Variants in SEMA6D observed in about 807,000 individuals in gnomAD.
SEMA6D encodes the protein semaphorin-6D.
SEMA6D carries 35 observed loss-of-function variants against 106.6 expected under a neutral mutation model. That is an observed-to-expected ratio of 0.33 (90% CI 0.25 to 0.44). The LOEUF is 0.44. Among genes scored for constraint, SEMA6D ranks in the 20% least tolerant of loss-of-function variants. The pLI, the probability that SEMA6D is intolerant of heterozygous loss-of-function variation, is 1.00. For synonymous variants in SEMA6D, 499 were observed against 487.7 expected, an observed-to-expected ratio of 1.02 and a Z score of -0.31; for missense variants, 1,185 against 1,345.9, an observed-to-expected ratio of 0.88 and a Z score of 1.87.
chr15:47,321,351 C>G (rs11852566), intron 1 of SEMA6D, among the ~76,000 whole-genome samples: 4 of 152,006 alleles, frequency 2.6e-5, no homozygotes, highest in African/African-American at 7.3e-5. Context: ...TTTATTTGGA[C>G]ACTTTAGATA....
rs1040831697 is a variant in SEMA6D, at chr15:47,774,173, G to A, written c.*2388G>A. The A allele has an allele frequency of 3.3e-5, 5 of 152,418 alleles. No homozygotes were observed. The highest frequency in any genetic ancestry group is 1.2e-4 in the African/African-American group (5 of 41,378). 9.4% of individuals were successfully genotyped at this position (152,418 alleles called of 1,614,324 possible). The stretch of plus-strand genomic sequence containing the variant: ...TGGATGTGTAAATAATATGTACTTT[G>A]GGTTTTTAACACCGCATGTAAAGTC... On this transcript the variant is annotated 3_prime_UTR_variant, in exon 19 of 19. Coordinates refer to ENST00000536845, the MANE Select transcript of SEMA6D (RefSeq NM_001358351.3).
intron 1 of SEMA6D, among the ~76,000 whole-genome samples, chr15:47,219,694 T>C (rs1052605483): frequency 2.0e-5 from 3 of 152,358 alleles, no homozygotes; most frequent in African/African-American, 7.2e-5. Context: ...TATTCTGTAC[T>C]TTATCAATTA....
chr15:47,264,286 A>G (rs901120503), intron 1 of SEMA6D, among the ~76,000 whole-genome samples: 2 of 151,992 alleles, frequency 1.3e-5, no homozygotes, highest in African/African-American at 2.4e-5. Flanking sequence ...AACAAACCCC[A>G]TGACACAAGT....
chr15:47,673,582 G>T (rs147736270), intron 4 of SEMA6D, among the ~76,000 whole-genome samples: 1 of 152,226 alleles, frequency 6.6e-6, no homozygotes, highest in East Asian at 1.9e-4. Flanking sequence ...GGGGAACCTC[G>T]TTTTGATGCA....
At chr15:47,485,322 G>A (rs980262145) in intron 3 of SEMA6D, among the ~76,000 whole-genome samples, 3 of 152,080 alleles carry the variant, frequency 2.0e-5, no homozygotes, top group Admixed American at 6.6e-5. Flanking sequence ...GTGTTTCTCA[G>A]GATATCTAAA....
At chr15:47,498,700 A>G (rs952371669) in intron 3 of SEMA6D, among the ~76,000 whole-genome samples, 2 of 152,150 alleles carry the variant, frequency 1.3e-5, no homozygotes, top group Non-Finnish European at 2.9e-5. Context: ...TTTGTGAAAG[A>G]TTTACCTTGG....
chr15:47,765,012 C>T lies in SEMA6D; in HGVS notation c.1383C>T (p.Asn461=), dbSNP rs1347498228. The change falls in exon 13 of 19, where the codon AAC becomes AAT. Residue 461 remains asparagine (N), a synonymous_variant. Coordinates refer to ENST00000536845, the MANE Select transcript of SEMA6D (RefSeq NM_001358351.3). ...VLAKTSPFSL[N]DSVLLEEIEA... ...CAAAGACCAGTCCTTTCTCTTTGAA[C>T]GACAGCGTATTACTGGAAGAGATTG... The T allele has an allele frequency of 7.4e-6, 12 of 1,613,834 alleles. No homozygotes were observed. Among genetic ancestry groups the T allele is most frequent in the South Asian group, 4.4e-5 (4 of 91,078 alleles).
chr15:47,564,942 C>T (rs548366122), intron 3 of SEMA6D, among the ~76,000 whole-genome samples: 1 of 152,268 alleles, frequency 6.6e-6, no homozygotes, highest in East Asian at 1.9e-4. Context: ...GAAAAGAATG[C>T]CAGACTTCAG....
intron 1 of SEMA6D, among the ~76,000 whole-genome samples, chr15:47,194,321 T>C (rs1050622469): frequency 6.6e-6 from 1 of 152,190 alleles, no homozygotes; most frequent in African/African-American, 2.4e-5. Flanking sequence ...GTCTTAAAAA[T>C]GCTTGTCAAA....
chr15:47,544,006 G>C (rs1358687280), intron 3 of SEMA6D, among the ~76,000 whole-genome samples: 1 of 152,102 alleles, frequency 6.6e-6, no homozygotes, highest in Non-Finnish European at 1.5e-5. Flanking sequence ...TTCATCAGAA[G>C]CTTTCCTATT....
intron 3 of SEMA6D, among the ~76,000 whole-genome samples, chr15:47,587,364 T>C (rs1160779728): frequency 6.6e-6 from 1 of 152,174 alleles, no homozygotes; most frequent in East Asian, 1.9e-4. Context: ...GGGTCCAAAC[T>C]AGTCTCTGGT....
At position 47,452,550 on chromosome 15, in the gene SEMA6D, C is replaced by T. The variant is rs183864186; in HGVS notation, c.-158-17924C>T. Among the ~76,000 whole-genome samples, 80 of 151,736 alleles carry T rather than the reference C, an allele frequency of 5.3e-4. 1 individual carries two copies. Among genetic ancestry groups the T allele is most frequent in the African/African-American group, 1.9e-3 (77 of 41,422 alleles). On this transcript the variant is annotated intron_variant, in intron 2 of 19. Transcript: ENST00000558014. ...GTAGTGTGTACATAGCATAATAAAA[C>T]CTTTCTTTTATCATAAAAAATACTG...
chr15:47,524,348 TG>T, intron 3 of SEMA6D, among the ~76,000 whole-genome samples: 1 of 152,202 alleles, frequency 6.6e-6, no homozygotes, highest in Admixed American at 6.5e-5. Flanking sequence ...TGCAGGTGGC[TG>T]GGGCCTGTGT....
chr15:47,329,097 G>A (rs2037240572), intron 1 of SEMA6D, among the ~76,000 whole-genome samples: 1 of 152,160 alleles, frequency 6.6e-6, no homozygotes, highest in Non-Finnish European at 1.5e-5. Flanking sequence ...CATGGTTCTT[G>A]GTGCTGGCCA....
intron 3 of SEMA6D, among the ~76,000 whole-genome samples, chr15:47,529,636 T>A (rs574533046): frequency 6.6e-6 from 1 of 151,048 alleles, no homozygotes; most frequent in East Asian, 2.0e-4. Flanking sequence ...CATCTTCACT[T>A]TGAGGCACAC....
At chr15:47,396,892 A>T (rs1213203013) in intron 1 of SEMA6D, among the ~76,000 whole-genome samples, 1 of 152,190 alleles carries the variant, frequency 6.6e-6, no homozygotes, top group Non-Finnish European at 1.5e-5. Flanking sequence ...AAAGGTACTA[A>T]AATATCAAGA....
At chr15:47,419,474 T>C (rs1296654336) in intron 2 of SEMA6D, among the ~76,000 whole-genome samples, 1 of 151,920 alleles carries the variant, frequency 6.6e-6, no homozygotes, top group Non-Finnish European at 1.5e-5. Context: ...TGGAGGATGG[T>C]GGAGGAAGCA....
intron 1 of SEMA6D, among the ~76,000 whole-genome samples, chr15:47,226,505 G>A (rs1212935724): frequency 1.3e-5 from 2 of 152,106 alleles, no homozygotes; most frequent in Non-Finnish European, 2.9e-5. Flanking sequence ...CCAGTACTTT[G>A]TTATCAATAG....
At chr15:47,752,273 G>T (rs975244324) in intron 1 of SEMA6D, among the ~76,000 whole-genome samples, 2 of 152,194 alleles carry the variant, frequency 1.3e-5, no homozygotes, top group African/African-American at 4.8e-5. Context: ...GTGGTATGAG[G>T]AAAAGCAAGG....
Sources: gnomAD v4.1 joint callset for allele counts (sites outside exome capture counted in the v4.1 genomes callset) on GRCh38, gnomAD v4.1.1 for gene constraint, MANE v1.5 for transcripts, NCBI Gene and HGNC (gene_info 2026-07-23, HGNC 2026-07-21) for gene names.